Variants in PCDHA6 observed in about 807,000 individuals in gnomAD.
PCDHA6 encodes protocadherin alpha 6.
Under a neutral mutation model 60.3 loss-of-function variants are expected in PCDHA6, and 55 were observed. The ratio of observed to expected loss-of-function variants is 0.91; its 90% confidence interval spans 0.73 to 1.14. PCDHA6 has a LOEUF of 1.14. Ranked by LOEUF, PCDHA6 falls within the 50% of genes most tolerant of loss-of-function variation. The probability of loss-of-function intolerance (pLI) is 0.00; values close to 1 mark genes in which losing one functional copy is unlikely to be tolerated. For missense variants in PCDHA6, 1,327 were observed against 1,256.5 expected (o/e 1.06, Z -0.85); for synonymous variants, 652 against 557.9 (o/e 1.17, Z -2.38).
rs2042132176 is a variant in PCDHA6, at chr5:140,851,700, G to A, written c.2394+21215G>A. On this transcript the variant is annotated intron_variant, in intron 1 of 3. Transcript: ENST00000529310. ...TCTCCATTCAGTGATAAAATGATCA[G>A]CCATGTGAAGATTCGAAACTTCGAG... 4.2e-6 allele frequency: 4 copies of A among 943,922 alleles called. 1 individual carries two copies. Among genetic ancestry groups the A allele is most frequent in the Admixed American group, 1.3e-4 (2 of 15,858 alleles). The allele number at this position is 943,922 out of a possible 1,614,324, so 58.5% of individuals were successfully genotyped here. A position where few individuals can be genotyped will look rare whatever the true frequency, so the allele number is the denominator to read the frequency against.
At chr5:140,898,410 C>T (rs1554187963) in intron 1 of PCDHA6, among the ~76,000 whole-genome samples, 4 of 152,212 alleles carry the variant, frequency 2.6e-5, no homozygotes. Flanking sequence ...CTACATACGG[C>T]TAGCCAGTTT....
rs782343836 is a variant in PCDHA6 at position 140,869,112 on chromosome 5, T to C, written c.2394+38627T>C. 17 of 1,604,108 alleles carry C rather than the reference T, an allele frequency of 1.1e-5. No individual in the cohort carries two copies. The South Asian group carries it at 1.5e-4, about 15-fold the overall frequency. On this transcript the variant is annotated intron_variant, in intron 1 of 3. Coordinates refer to ENST00000529310, the MANE Select transcript of PCDHA6 (RefSeq NM_018909.4). ...AGCCAATTTCGTATGCGATGTTTGG[T>C]TTTCAGAGAAGGGGATTGGGCACCC...
chr5:140,953,641 G>A (rs246029), intron 1 of PCDHA6, among the ~76,000 whole-genome samples: 85,647 of 151,972 alleles, frequency 0.56, 24,761 homozygotes, highest in African/African-American at 0.69. Context: ...TTTTGGCCAG[G>A]AGCTATAGTT....
chr5:140,842,923 G>A (rs1454806269), intron 1 of PCDHA6: 1 of 1,594,526 alleles, frequency 6.3e-7, no homozygotes, highest in Non-Finnish European at 8.6e-7. Flanking sequence ...TGCAGTTCCA[G>A]GTGAGCGCGC....
At chr5:140,919,552 T>C (rs2079193484) in intron 1 of PCDHA6, among the ~76,000 whole-genome samples, 1 of 152,224 alleles carries the variant, frequency 6.6e-6, no homozygotes, top group South Asian at 2.1e-4. Context: ...ATTTACTGAT[T>C]TATATTAAGT....
intron 1 of PCDHA6, among the ~76,000 whole-genome samples, chr5:140,890,852 C>G (rs2153432069): frequency 6.6e-6 from 1 of 152,254 alleles, no homozygotes; most frequent in South Asian, 2.1e-4. Flanking sequence ...TGTTTCTCTT[C>G]CTTACTTCTT....
chr5:140,884,439 C>G (rs1554181562), intron 1 of PCDHA6: 2 of 1,613,818 alleles, frequency 1.2e-6, no homozygotes, highest in East Asian at 2.2e-5. Context: ...CTGCGGTGCT[C>G]GGCACCGCCC....
chr5:140,891,879 A>G, intron 1 of PCDHA6, among the ~76,000 whole-genome samples: 1 of 152,196 alleles, frequency 6.6e-6, no homozygotes, highest in East Asian at 1.9e-4. Flanking sequence ...TGGCTCTGTC[A>G]TGTGACGATG....
intron 1 of PCDHA6, among the ~76,000 whole-genome samples, chr5:140,907,552 C>A (rs576974083): frequency 1.4e-4 from 21 of 152,278 alleles, no homozygotes; most frequent in Admixed American, 1.3e-3. Flanking sequence ...GGAAGAGGTC[C>A]AATATAATCA....
chr5:140,884,598 C>T (rs782317237), intron 1 of PCDHA6: 4 of 1,614,108 alleles, frequency 2.5e-6, no homozygotes. Flanking sequence ...CCCAGCCTTC[C>T]TCCTTGTCTG....
At chr5:140,946,202 A>T (rs2093901656) in intron 1 of PCDHA6, among the ~76,000 whole-genome samples, 1 of 152,118 alleles carries the variant, frequency 6.6e-6, no homozygotes, top group Non-Finnish European at 1.5e-5. Context: ...AAAAGAAAGC[A>T]CACAAATGAC....
At chr5:140,931,444 A>T (rs2087532526) in intron 1 of PCDHA6, among the ~76,000 whole-genome samples, 1 of 135,860 alleles carries the variant, frequency 7.4e-6, no homozygotes, top group Non-Finnish European at 1.6e-5. Context: ...TTAGCTATTT[A>T]AAAGGAAAAA....
At chr5:140,983,992 C>A (rs2097080247) in intron 3 of PCDHA6, among the ~76,000 whole-genome samples, 1 of 152,200 alleles carries the variant, frequency 6.6e-6, no homozygotes, top group Non-Finnish European at 1.5e-5. Flanking sequence ...TGAAGCAATT[C>A]ATTAGAGAGC....
chr5:140,956,707 C>T (rs1461272130), intron 1 of PCDHA6, among the ~76,000 whole-genome samples: 9 of 152,120 alleles, frequency 5.9e-5, no homozygotes, highest in Non-Finnish European at 1.3e-4. Flanking sequence ...TTTGGAATAG[C>T]TTCAGAAGAA....
chr5:140,930,321 T>C (rs1166503889), intron 1 of PCDHA6: 7 of 152,186 alleles, frequency 4.6e-5, no homozygotes, highest in Non-Finnish European at 1.0e-4. Flanking sequence ...TTGAGAGTAA[T>C]GTATCTAATG....
intron 1 of PCDHA6, among the ~76,000 whole-genome samples, chr5:140,970,970 T>C (rs1554232920): frequency 1.3e-5 from 2 of 152,170 alleles, no homozygotes; most frequent in African/African-American, 2.4e-5. Flanking sequence ...GATTGTAGAT[T>C]AAGAAAAATG....
chr5:140,948,016 C>CTTTTT (rs72028473), intron 1 of PCDHA6, among the ~76,000 whole-genome samples: 13 of 30,044 alleles, frequency 4.3e-4, no homozygotes, highest in Non-Finnish European at 6.9e-4. Context: ...AGGAAGTACC[C>CTTTTT]TTTCTGGTTT....
At position 140,856,324 on chromosome 5, in the gene PCDHA6, G is replaced by A. The variant is rs1221183425; in HGVS notation, c.2394+25839G>A. ...TTGTGAATTCTCGGATTGACCGCGA[G>A]GAGCTGTGCGGGCGGAGCGTGGAGT... On this transcript the variant is annotated intron_variant, in intron 1 of 3. Coordinates refer to ENST00000529310, the MANE Select transcript of PCDHA6 (RefSeq NM_018909.4). The A allele has an allele frequency of 6.3e-6, 10 of 1,598,594 alleles. 1 individual carries two copies. Among genetic ancestry groups the A allele is most frequent in the Non-Finnish European group, 8.6e-6 (10 of 1,168,074 alleles).
chr5:140,901,168 C>G (rs782138220), intron 1 of PCDHA6, among the ~76,000 whole-genome samples: 8 of 152,010 alleles, frequency 5.3e-5, no homozygotes, highest in Non-Finnish European at 8.8e-5. Flanking sequence ...GTTGTCTCTT[C>G]ACTTTGTTGA....
Sources: allele counts gnomAD v4.1 joint callset (sites outside exome capture counted in the v4.1 genomes callset), GRCh38; gene constraint gnomAD v4.1.1; transcripts MANE v1.5; gene names NCBI Gene and HGNC (gene_info 2026-07-23, HGNC 2026-07-21).